Variants in PLXDC1 observed in about 807,000 individuals in gnomAD.
The protein encoded by PLXDC1 is plexin domain containing 1, also known as plexin domain-containing protein 1.
In PLXDC1, 39 loss-of-function variants were observed where a neutral mutation model predicts 61.3. The observed-to-expected ratio is 0.64, with a 90% CI of 0.49 to 0.83. PLXDC1 has a LOEUF of 0.83. Ranked by LOEUF, PLXDC1 falls within the 40% of genes least tolerant of loss-of-function variation. The probability of loss-of-function intolerance (pLI) is 0.00; values close to 1 mark genes in which losing one functional copy is unlikely to be tolerated. For synonymous variants in PLXDC1, 212 were observed against 254.5 expected, an observed-to-expected ratio of 0.83 and a Z score of 1.59; for missense variants, 596 against 666.5, an observed-to-expected ratio of 0.89 and a Z score of 1.17.
At chr17:39,086,866 A>AAAAAAAAAAAAAAAAAG in intron 8 of PLXDC1, among the ~76,000 whole-genome samples, 1 of 150,536 alleles carries the variant, frequency 6.6e-6, no homozygotes, top group Non-Finnish European at 1.5e-5. Context: ...TCTCAAAAAA[A>AAAAAAAAAAAAAAAAAG]AAAAAAAAAA....
intron 2 of PLXDC1, among the ~76,000 whole-genome samples, chr17:39,119,089 G>A (rs567879210): frequency 6.6e-6 from 1 of 152,330 alleles, no homozygotes; most frequent in Admixed American, 6.5e-5. Flanking sequence ...GTTCCCAACA[G>A]CTTTCCAGCT....
At chr17:39,145,431 C>A (rs1026157309) in intron 1 of PLXDC1, among the ~76,000 whole-genome samples, 1 of 152,220 alleles carries the variant, frequency 6.6e-6, no homozygotes, top group Non-Finnish European at 1.5e-5. Context: ...CATCCCAGCC[C>A]TGGGCCACCC....
Position 39,067,088 on chromosome 17 carries a change from T to A in PLXDC1, c.*752A>T, listed in dbSNP as rs1908924069. The A allele has an allele frequency of 6.6e-6, 1 of 152,186 alleles. No individual in the cohort carries two copies. The highest frequency in any genetic ancestry group is 2.4e-5 in the African/African-American group (1 of 41,436). 9.4% of individuals were successfully genotyped at this position (152,186 alleles called of 1,614,324 possible). On this transcript the variant is annotated 3_prime_UTR_variant, in exon 14 of 14. Transcript: ENST00000315392. Reference sequence around the variant, plus strand: ...AGCCTGTAACTGAGTCCAAATTCATTCTGCTTGCTGCGTCATAGCCAATAC... The same window carrying A: ...AGCCTGTAACTGAGTCCAAATTCATACTGCTTGCTGCGTCATAGCCAATAC...
chr17:39,117,759 CAT>C (rs1329227394), intron 2 of PLXDC1, among the ~76,000 whole-genome samples: 1 of 152,162 alleles, frequency 6.6e-6, no homozygotes, highest in Non-Finnish European at 1.5e-5. Flanking sequence ...AACCAAGAGA[CAT>C]GCCTTTTACT....
intron 7 of PLXDC1, among the ~76,000 whole-genome samples, chr17:39,100,759 AG>A (rs1357909545): frequency 2.7e-4 from 41 of 152,372 alleles, no homozygotes; most frequent in African/African-American, 9.6e-4. Flanking sequence ...GGCTCAACAC[AG>A]GCGTTTACCA....
chr17:39,104,827 A>G (rs1910539402), intron 7 of PLXDC1, among the ~76,000 whole-genome samples: 1 of 152,218 alleles, frequency 6.6e-6, no homozygotes, highest in African/African-American at 2.4e-5. Flanking sequence ...TCAAGGGCAG[A>G]TGCCCTTCCT....
chr17:39,128,097 G>GTGTATA (rs1911379292), intron 2 of PLXDC1, among the ~76,000 whole-genome samples: 3 of 67,500 alleles, frequency 4.4e-5, no homozygotes, highest in African/African-American at 2.2e-4. Flanking sequence ...CTCTCTATGT[G>GTGTATA]TATATATATA....
chr17:39,071,216 C>A (rs145370638), intron 12 of PLXDC1, among the ~76,000 whole-genome samples: 102 of 152,272 alleles, frequency 6.7e-4, no homozygotes, highest in African/African-American at 2.4e-3. Flanking sequence ...CCCACAGACA[C>A]ACAAATTCAG....
chr17:39,115,775 C>T (rs1273395449), intron 2 of PLXDC1, among the ~76,000 whole-genome samples: 1 of 152,046 alleles, frequency 6.6e-6, no homozygotes, highest in Non-Finnish European at 1.5e-5. Context: ...AGGAGGTGAG[C>T]ACTAATATTA....
chr17:39,071,677 G>A (rs1002704891), intron 12 of PLXDC1, among the ~76,000 whole-genome samples: 7 of 152,112 alleles, frequency 4.6e-5, no homozygotes, highest in Non-Finnish European at 7.4e-5. Context: ...GGTGCACAGC[G>A]AGGGGATTAT....
rs1275583583 is a variant in PLXDC1, at chr17:39,108,158, T to C, written c.557A>G (p.Tyr186Cys). Residue 186 changes from tyrosine (Y) to cysteine (C), a missense_variant, in exon 5 of 14, where the codon TAC becomes TGC. Coordinates refer to ENST00000315392, the MANE Select transcript of PLXDC1 (RefSeq NM_020405.5). ...GTAAACAACTGTGGAGTTGTCGGAG[T>C]AGCCAGGGTTGAAGTTGGCCATCAG... ...APLMANFNPGYSDNSTVVYFD... is the reference protein window; with the variant it reads ...APLMANFNPGCSDNSTVVYFD... The C allele has an allele frequency of 6.2e-7, 1 of 1,613,912 alleles. No individual in the cohort carries two copies. Among genetic ancestry groups the C allele is most frequent in the African/African-American group, 1.3e-5 (1 of 74,856 alleles).
At chr17:39,082,167 A>G (rs1223897293) in intron 9 of PLXDC1, among the ~76,000 whole-genome samples, 1 of 152,180 alleles carries the variant, frequency 6.6e-6, no homozygotes, top group Non-Finnish European at 1.5e-5. Context: ...GCTGCCTATA[A>G]AGGCGAGAAC....
intron 11 of PLXDC1, 113 bp downstream of exon 11, chr17:39,077,800 C>T: frequency 1.0e-6 from 1 of 967,836 alleles, no homozygotes; most frequent in East Asian, 2.5e-5. Context: ...AAGGATGGGG[C>T]AGTTCCCATC....
At chr17:39,113,777 GGAGGTCGAGGCTGCAGGGAGCTGT>G (rs891522043) in intron 2 of PLXDC1, among the ~76,000 whole-genome samples, 4 of 152,034 alleles carry the variant, frequency 2.6e-5, no homozygotes, top group African/African-American at 9.7e-5. Flanking sequence ...CTTAAGCCCA[GGAGGTCGAGGCTGCAGGGAGCTGT>G]GATTGAGCCA....
chr17:39,138,656 G>C (rs142280179), intron 2 of PLXDC1, among the ~76,000 whole-genome samples: 419 of 151,944 alleles, frequency 2.8e-3, no homozygotes, highest in African/African-American at 9.8e-3. Flanking sequence ...AAGGGAAGGG[G>C]GCAGGCCCCA....
Position 39,087,793 on chromosome 17 carries a change from T to A in PLXDC1, c.812-91A>T. On this transcript the variant is annotated intron_variant, in intron 7 of 13. Coordinates refer to ENST00000315392, the MANE Select transcript of PLXDC1 (RefSeq NM_020405.5). ...CGGACAGTCTGACAGGTCAGCCTGC[T>A]GCACTGAAGGCAGTAAGTGCACCCA... The A allele has an allele frequency of 3.5e-6, 3 of 868,206 alleles. No homozygotes were observed. The Admixed American group carries it at 6.1e-5, about 18-fold the overall frequency. The allele number at this position is 868,206 out of a possible 1,614,324, so 53.8% of individuals were successfully genotyped here. A position where few individuals can be genotyped will look rare whatever the true frequency, so the allele number is the denominator to read the frequency against.
intron 7 of PLXDC1, among the ~76,000 whole-genome samples, chr17:39,092,061 T>C (rs1484937773): frequency 6.6e-6 from 1 of 151,960 alleles, no homozygotes; most frequent in Non-Finnish European, 1.5e-5. Context: ...TACAACTTTG[T>C]ATAGCACTTT....
At chr17:39,098,203 CTCAAAAA>C (rs774297952) in intron 7 of PLXDC1, among the ~76,000 whole-genome samples, 1 of 46,868 alleles carries the variant, frequency 2.1e-5, no homozygotes. Flanking sequence ...GAAACTCCAT[CTCAAAAA>C]AAAAAAAAAA....
At chr17:39,148,985 C>T (rs1182784932) in intron 1 of PLXDC1, among the ~76,000 whole-genome samples, 4 of 152,140 alleles carry the variant, frequency 2.6e-5, no homozygotes, top group East Asian at 3.8e-4. Flanking sequence ...TGCCAACTCT[C>T]GCTGCCTCTT....
Sources: gnomAD v4.1 joint callset for allele counts (sites outside exome capture counted in the v4.1 genomes callset) on GRCh38, gnomAD v4.1.1 for gene constraint, MANE v1.5 for transcripts, NCBI Gene and HGNC (gene_info 2026-07-23, HGNC 2026-07-21) for gene names.